The following STPG2 variants were observed in gnomAD, a reference collection of about 807,000 sequenced individuals.
STPG2 encodes the protein sperm tail PG-rich repeat containing 2.
A neutral mutation model predicts 54.2 loss-of-function variants in STPG2; 56 were observed. The ratio of observed to expected loss-of-function variants is 1.03; its 90% CI spans 0.83 to 1.29. STPG2 has a LOEUF of 1.29. Ranked by LOEUF, STPG2 falls within the 50% of genes most tolerant of loss-of-function variation. The pLI is 0.00. For synonymous variants in STPG2, 200 were observed against 181.8 expected (o/e 1.10, Z -0.81); for missense variants, 596 against 544.9 (o/e 1.09, Z -0.93).
chr4:98,027,587 T>C (rs1031381474), intron 5 of STPG2, among the ~76,000 whole-genome samples: 3 of 151,964 alleles, frequency 2.0e-5, no homozygotes, highest in Non-Finnish European at 4.4e-5. Flanking sequence ...AAATACAAGA[T>C]GGAATAAGTG....
intron 5 of STPG2, among the ~76,000 whole-genome samples, chr4:98,073,256 CAT>C (rs1738061890): frequency 6.6e-6 from 1 of 152,032 alleles, no homozygotes; most frequent in Non-Finnish European, 1.5e-5. Flanking sequence ...GTAATCCAGT[CAT>C]AGAGTCTAAT....
At chr4:97,842,252 T>C (rs1028404682) in intron 8 of STPG2, among the ~76,000 whole-genome samples, 6 of 151,852 alleles carry the variant, frequency 4.0e-5, no homozygotes, top group African/African-American at 1.4e-4. Context: ...TGAAATGTCA[T>C]GATAGGTAAG....
At chr4:98,088,119 G>C (rs1389445240) in intron 5 of STPG2, among the ~76,000 whole-genome samples, 2 of 152,194 alleles carry the variant, frequency 1.3e-5, no homozygotes, top group Non-Finnish European at 2.9e-5. Context: ...AGAGGGATGG[G>C]ATGAGGGAAA....
intron 7 of STPG2, among the ~76,000 whole-genome samples, chr4:97,960,409 G>A (rs1397347325): frequency 6.6e-6 from 1 of 152,074 alleles, no homozygotes; most frequent in Admixed American, 6.6e-5. Context: ...AAATAAAACT[G>A]TCACTGTTTG....
chr4:97,893,459 G>A (rs920650136), intron 8 of STPG2, among the ~76,000 whole-genome samples: 8 of 151,882 alleles, frequency 5.3e-5, no homozygotes, highest in African/African-American at 1.7e-4. Context: ...TAATTCCAGG[G>A]GTAGGAAATT....
intron 7 of STPG2, among the ~76,000 whole-genome samples, chr4:97,966,781 G>T (rs1013560356): frequency 4.6e-5 from 7 of 152,070 alleles, no homozygotes; most frequent in Non-Finnish European, 7.4e-5. Context: ...AGCTTCATAA[G>T]TAAAAAAGAA....
chr4:97,660,004 C>CT (rs1274412068), intron 10 of STPG2, among the ~76,000 whole-genome samples: 14,118 of 140,902 alleles, frequency 0.1, 762 homozygotes, highest in Non-Finnish European at 0.13. Context: ...ATCTTTCTTT[C>CT]TTTTTTTTTT....
chr4:98,000,995 G>T (rs1046239838), intron 5 of STPG2, among the ~76,000 whole-genome samples: 4 of 152,158 alleles, frequency 2.6e-5, no homozygotes, highest in Non-Finnish European at 4.4e-5. Context: ...CTTTGGAGTT[G>T]ATGGTTGTCT....
At chr4:97,856,153 C>T (rs968168579) in intron 8 of STPG2, among the ~76,000 whole-genome samples, 1 of 152,114 alleles carries the variant, frequency 6.6e-6, no homozygotes, top group African/African-American at 2.4e-5. Context: ...TATTTGACCT[C>T]TTTTTTGGTT....
At chr4:97,878,018 A>T (rs1266556556) in intron 8 of STPG2, among the ~76,000 whole-genome samples, 1 of 152,232 alleles carries the variant, frequency 6.6e-6, no homozygotes, top group Non-Finnish European at 1.5e-5. Context: ...TGCAGGCCCC[A>T]TGCAAGTCTG....
chr4:98,134,355 C>T lies in STPG2; in HGVS notation c.214G>A (p.Glu72Lys). The T allele has an allele frequency of 6.5e-7, 1 of 1,540,368 alleles. No individual in the cohort carries two copies. Residue 72 changes from glutamate (E) to lysine (K), a missense_variant, in exon 2 of 11, where the codon GAA becomes AAA. Coordinates refer to ENST00000295268, the MANE Select transcript of STPG2 (RefSeq NM_174952.3). ...AGTAACTATAAAGTTACCTGTGCTT[C>T]TGAAACATTATAGTGTCCTGGACCT... is the stretch of plus-strand genomic sequence containing the variant. ...VPGPGHYNVS[E>K]AQKISRSPTL...
chr4:98,114,785 G>GTA (rs1560685962), intron 3 of STPG2, among the ~76,000 whole-genome samples: 2 of 151,364 alleles, frequency 1.3e-5, no homozygotes, highest in African/African-American at 4.9e-5. Flanking sequence ...GTGTGTGTGT[G>GTA]TGTGTGTCTA....
At chr4:97,597,029 A>T (rs957911321) in intron 10 of STPG2, among the ~76,000 whole-genome samples, 10 of 152,168 alleles carry the variant, frequency 6.6e-5, no homozygotes, top group Non-Finnish European at 1.3e-4. Flanking sequence ...CTAGACTAAG[A>T]GAAAAACAGA....
intron 10 of STPG2, among the ~76,000 whole-genome samples, chr4:97,682,298 G>C (rs1723062022): frequency 6.6e-6 from 1 of 151,718 alleles, no homozygotes; most frequent in Non-Finnish European, 1.5e-5. Context: ...TCATTGCTGA[G>C]ATTACACCTA....
At chr4:97,462,765 C>T (rs1242888535) in intron 4 of STPG2, among the ~76,000 whole-genome samples, 1 of 151,756 alleles carries the variant, frequency 6.6e-6, no homozygotes, top group Non-Finnish European at 1.5e-5. Context: ...TTTTCATGTA[C>T]CTTACCTACA....
At chr4:97,602,489 TTC>T (rs1282738521) in intron 10 of STPG2, among the ~76,000 whole-genome samples, 7 of 151,820 alleles carry the variant, frequency 4.6e-5, no homozygotes, top group Non-Finnish European at 1.0e-4. Context: ...ACGCATCTTT[TTC>T]TCTTTCTTGA....
chr4:97,573,981 G>C (rs1193047365), intron 10 of STPG2, among the ~76,000 whole-genome samples: 3 of 151,958 alleles, frequency 2.0e-5, no homozygotes, highest in African/African-American at 2.4e-5. Context: ...GATAATGAAG[G>C]AATTGTTAAC....
chr4:98,109,761 A>C (rs574313264), intron 3 of STPG2, among the ~76,000 whole-genome samples: 1 of 152,324 alleles, frequency 6.6e-6, no homozygotes, highest in African/African-American at 2.4e-5. Context: ...TGTAACCTTT[A>C]AACAGAGTTA....
At chr4:97,800,241 G>GCA (rs1727342196) in intron 9 of STPG2, among the ~76,000 whole-genome samples, 1 of 152,202 alleles carries the variant, frequency 6.6e-6, no homozygotes, top group African/African-American at 2.4e-5. Flanking sequence ...GCGTTCCTTT[G>GCA]GAGGAGGAGA....
Sources: allele counts gnomAD v4.1 joint callset (sites outside exome capture counted in the v4.1 genomes callset), GRCh38; gene constraint gnomAD v4.1.1; transcripts MANE v1.5; gene names NCBI Gene and HGNC (gene_info 2026-07-23, HGNC 2026-07-21).